CNTN4: variants seen among roughly 807,000 people sequenced by gnomAD.
CNTN4 encodes contactin 4.
A neutral mutation model predicts 122.5 loss-of-function variants in CNTN4; 77 were observed. The ratio of observed to expected loss-of-function variants is 0.63; its 90% CI spans 0.52 to 0.76. CNTN4 has a LOEUF of 0.76. Among genes scored for constraint, CNTN4 ranks in the 30% least tolerant of loss-of-function variants. CNTN4 has a pLI of 0.00. For synonymous variants in CNTN4, 512 were observed against 447.0 expected (o/e 1.15, Z -1.83); for missense variants, 1,256 against 1,259.1 (o/e 1.00, Z 0.04).
At chr3:2,446,119 C>G (rs1211273629) in intron 3 of CNTN4, among the ~76,000 whole-genome samples, 7 of 152,178 alleles carry the variant, frequency 4.6e-5, no homozygotes, top group African/African-American at 1.7e-4. Flanking sequence ...CTAATCTGCC[C>G]ACTTTGCTCA....
At chr3:2,831,865 C>G (rs1559554263) in intron 7 of CNTN4, among the ~76,000 whole-genome samples, 1 of 152,236 alleles carries the variant, frequency 6.6e-6, no homozygotes. Context: ...CAAGATGCTT[C>G]AGTTTTAGGT....
chr3:2,923,458 G>A (rs971491090), intron 12 of CNTN4, among the ~76,000 whole-genome samples: 1 of 152,096 alleles, frequency 6.6e-6, no homozygotes, highest in South Asian at 2.1e-4. Flanking sequence ...GATTTGTTCA[G>A]GTATTTTACT....
At chr3:2,822,483 T>G (rs2092898501) in intron 7 of CNTN4, among the ~76,000 whole-genome samples, 1 of 152,210 alleles carries the variant, frequency 6.6e-6, no homozygotes, top group South Asian at 2.1e-4. Flanking sequence ...GGACATATAT[T>G]TAGATTCAGG....
intron 14 of CNTN4, among the ~76,000 whole-genome samples, chr3:3,004,368 T>TG (rs576930208): frequency 1.9e-3 from 285 of 152,062 alleles, no homozygotes; most frequent in Non-Finnish European, 3.1e-3. Flanking sequence ...TGGAGAATAG[T>TG]CCCCCCATCA....
intron 2 of CNTN4, among the ~76,000 whole-genome samples, chr3:2,231,821 C>G (rs2039498395): frequency 2.6e-5 from 4 of 152,050 alleles, no homozygotes; most frequent in Admixed American, 2.6e-4. Flanking sequence ...TTTATTTAAT[C>G]AATTATGTCC....
At chr3:2,982,727 T>C (rs1694145471) in intron 13 of CNTN4, among the ~76,000 whole-genome samples, 1 of 152,146 alleles carries the variant, frequency 6.6e-6, no homozygotes, top group African/African-American at 2.4e-5. Flanking sequence ...TCCCTGCCCA[T>C]CTTTATACCT....
intron 2 of CNTN4, among the ~76,000 whole-genome samples, chr3:2,139,339 T>C (rs1340442546): frequency 6.6e-6 from 1 of 152,116 alleles, no homozygotes; most frequent in Non-Finnish European, 1.5e-5. Context: ...CAAATTGAAA[T>C]AAAATATTTT....
chr3:3,047,971 A>C (rs1310418077), intron 23 of CNTN4, among the ~76,000 whole-genome samples: 1 of 152,216 alleles, frequency 6.6e-6, no homozygotes, highest in Non-Finnish European at 1.5e-5. Flanking sequence ...AGTGGGTAAC[A>C]GGGTTAGACC....
At chr3:2,305,884 T>C (rs955875769) in intron 2 of CNTN4, among the ~76,000 whole-genome samples, 6 of 152,138 alleles carry the variant, frequency 3.9e-5, no homozygotes, top group Non-Finnish European at 7.4e-5. Flanking sequence ...AGAGTAACAT[T>C]ATATGTAGAG....
intron 3 of CNTN4, among the ~76,000 whole-genome samples, chr3:2,412,013 C>T (rs530660993): frequency 1.3e-4 from 20 of 152,204 alleles, no homozygotes; most frequent in African/African-American, 4.8e-4. Context: ...TGTCTTCTGA[C>T]TTCTATCACC....
chr3:2,571,897 A>G (rs1426600535), intron 4 of CNTN4, among the ~76,000 whole-genome samples: 1 of 152,098 alleles, frequency 6.6e-6, no homozygotes, highest in African/African-American at 2.4e-5. Flanking sequence ...TATAGTCTGG[A>G]GTGTTGCCTA....
chr3:2,854,425 A>C (rs2093596232), intron 7 of CNTN4, among the ~76,000 whole-genome samples: 1 of 112,866 alleles, frequency 8.9e-6, no homozygotes, highest in African/African-American at 3.7e-5. Flanking sequence ...GGCGCCTGCC[A>C]CCACGCCTGG....
intron 4 of CNTN4, among the ~76,000 whole-genome samples, chr3:2,656,453 T>G (rs1414657497): frequency 6.6e-6 from 1 of 152,366 alleles, no homozygotes; most frequent in South Asian, 2.1e-4. Context: ...AAGATTTGTT[T>G]TTATGACTGA....
intron 2 of CNTN4, among the ~76,000 whole-genome samples, chr3:2,118,597 A>G (rs1442288792): frequency 1.3e-5 from 2 of 152,240 alleles, no homozygotes; most frequent in African/African-American, 4.8e-5. Context: ...ATCTGAATGT[A>G]TTTGAATATT....
intron 2 of CNTN4, among the ~76,000 whole-genome samples, chr3:2,191,709 T>TAC (rs370552144): frequency 2.0e-5 from 3 of 150,832 alleles, no homozygotes; most frequent in African/African-American, 4.9e-5. Context: ...TATATATATA[T>TAC]ACACACACAC....
chr3:2,906,844 CAAA>C (rs11287897), intron 12 of CNTN4, among the ~76,000 whole-genome samples: 4 of 122,396 alleles, frequency 3.3e-5, no homozygotes, highest in Admixed American at 8.1e-5. Flanking sequence ...AACTCCTTCT[CAAA>C]AAAAAAAAAA....
intron 3 of CNTN4, among the ~76,000 whole-genome samples, chr3:2,478,955 G>C (rs1214964500): frequency 1.3e-5 from 2 of 152,012 alleles, no homozygotes; most frequent in African/African-American, 4.8e-5. Context: ...CTTGATCACA[G>C]CTTTGGCAAA....
At chr3:2,679,422 A>G (rs919553829) in intron 4 of CNTN4, among the ~76,000 whole-genome samples, 2 of 152,082 alleles carry the variant, frequency 1.3e-5, no homozygotes, top group African/African-American at 4.8e-5. Context: ...ATTTTTTCTT[A>G]GTTGATAAAG....
At chr3:2,571,990 C>G (rs2079443085) in intron 4 of CNTN4, among the ~76,000 whole-genome samples, 1 of 152,176 alleles carries the variant, frequency 6.6e-6, no homozygotes, top group African/African-American at 2.4e-5. Flanking sequence ...GATACTGACT[C>G]TCTTTTTCAT....
Sources: gnomAD v4.1 joint callset for allele counts (sites outside exome capture counted in the v4.1 genomes callset) on GRCh38, gnomAD v4.1.1 for gene constraint, MANE v1.5 for transcripts, NCBI Gene and HGNC (gene_info 2026-07-23, HGNC 2026-07-21) for gene names.